Variants in TIAM2 observed in about 807,000 individuals in gnomAD.
The protein encoded by TIAM2 is TIAM Rac1 associated GEF 2.
A neutral mutation model predicts 152.9 loss-of-function variants in TIAM2; 80 were observed. The ratio of observed to expected loss-of-function variants is 0.52; its 90% CI spans 0.44 to 0.63. The LOEUF is 0.63. Among genes scored for constraint, TIAM2 ranks in the 30% least tolerant of loss-of-function variants. TIAM2 has a pLI of 0.00. For synonymous variants in TIAM2, 804 were observed against 838.0 expected, an observed-to-expected ratio of 0.96 and a Z score of 0.70; for missense variants, 1,965 against 2,120.1, an observed-to-expected ratio of 0.93 and a Z score of 1.44.
chr6:155,096,722 T>C (rs1191399645), intron 2 of TIAM2, among the ~76,000 whole-genome samples: 2 of 152,204 alleles, frequency 1.3e-5, no homozygotes, highest in Non-Finnish European at 2.9e-5. Context: ...CCATTATGTA[T>C]ATATACCACA....
intron 2 of TIAM2, among the ~76,000 whole-genome samples, chr6:155,116,373 GACAT>G (rs1779011162): frequency 6.6e-6 from 1 of 151,954 alleles, no homozygotes; most frequent in Non-Finnish European, 1.5e-5. Context: ...GTAGCCTGAA[GACAT>G]ACATTTCTAA....
chr6:155,025,380 A>T (rs1055557913), intron 1 of TIAM2, among the ~76,000 whole-genome samples: 1 of 152,056 alleles, frequency 6.6e-6, no homozygotes, highest in Non-Finnish European at 1.5e-5. Context: ...TTTTTAGTAG[A>T]GACGGGGTTT....
intron 2 of TIAM2, among the ~76,000 whole-genome samples, chr6:155,101,862 T>A (rs1778556844): frequency 1.3e-5 from 2 of 152,130 alleles, no homozygotes; most frequent in Non-Finnish European, 2.9e-5. Flanking sequence ...CTGCCACGCC[T>A]GGCTATTTTT....
intron 15 of TIAM2, among the ~76,000 whole-genome samples, chr6:155,223,531 T>C (rs959333141): frequency 6.0e-5 from 9 of 150,882 alleles, no homozygotes; most frequent in African/African-American, 2.2e-4. Context: ...TTTTTTCTTT[T>C]TTTTTTTTTT....
chr6:155,252,331 T>A (rs148696599), intron 23 of TIAM2, among the ~76,000 whole-genome samples: 5,631 of 152,134 alleles, frequency 0.037, 138 homozygotes, highest in Non-Finnish European at 0.057. Context: ...TAACTGGGTG[T>A]GGTAGCACGT....
At chr6:155,104,545 C>A (rs1347790364) in intron 2 of TIAM2, among the ~76,000 whole-genome samples, 1 of 152,092 alleles carries the variant, frequency 6.6e-6, no homozygotes. Context: ...ATCATGAGGT[C>A]AGGAGATCGA....
chr6:155,006,561 G>T (rs1464972846), intron 1 of TIAM2, among the ~76,000 whole-genome samples: 2 of 151,464 alleles, frequency 1.3e-5, no homozygotes, highest in Non-Finnish European at 2.9e-5. Context: ...AAATACACAG[G>T]AGGCTGAGGT....
At chr6:155,223,660 G>GT (rs199926692) in intron 15 of TIAM2, among the ~76,000 whole-genome samples, 4,829 of 150,488 alleles carry the variant, frequency 0.032, 353 homozygotes, top group Admixed American at 0.19. Flanking sequence ...AACAAAATGG[G>GT]TTTTTTTTTG....
At chr6:155,160,223 G>C (rs1780234009) in intron 7 of TIAM2, among the ~76,000 whole-genome samples, 1 of 152,134 alleles carries the variant, frequency 6.6e-6, no homozygotes, top group Non-Finnish European at 1.5e-5. Flanking sequence ...GCTCAAGATT[G>C]AGGAAGAGCC....
intron 1 of TIAM2, among the ~76,000 whole-genome samples, chr6:155,006,115 G>C (rs1001962183): frequency 1.3e-5 from 2 of 152,172 alleles, no homozygotes; most frequent in Non-Finnish European, 2.9e-5. Context: ...GTAGCCCCCC[G>C]GGGTCCTGGA....
At chr6:155,153,621 C>CTTTTTT (rs35672714) in intron 7 of TIAM2, among the ~76,000 whole-genome samples, 9 of 105,298 alleles carry the variant, frequency 8.5e-5, no homozygotes, top group Non-Finnish European at 1.1e-4. Context: ...GCTGTTTACG[C>CTTTTTT]TTTTTTTTTT....
intron 1 of TIAM2, among the ~76,000 whole-genome samples, chr6:155,051,355 C>T (rs966902044): frequency 1.3e-5 from 2 of 152,146 alleles, no homozygotes; most frequent in African/African-American, 2.4e-5. Context: ...GTGATTTGAG[C>T]GCATCATACG....
chr6:155,004,114 G>A (rs746724460), intron 1 of TIAM2, among the ~76,000 whole-genome samples: 2 of 152,226 alleles, frequency 1.3e-5, no homozygotes, highest in Non-Finnish European at 2.9e-5. Flanking sequence ...GACCTCAGGT[G>A]ATCTGCCTGC....
At chr6:155,118,557 C>T (rs1049398501) in intron 2 of TIAM2, among the ~76,000 whole-genome samples, 7 of 151,518 alleles carry the variant, frequency 4.6e-5, no homozygotes, top group Admixed American at 1.3e-4. Flanking sequence ...CTCAGCCTCC[C>T]AAGTAGCTGG....
intron 18 of TIAM2, among the ~76,000 whole-genome samples, chr6:155,245,053 C>G (rs1783241993): frequency 6.6e-6 from 1 of 152,330 alleles, no homozygotes; most frequent in Non-Finnish European, 1.5e-5. Flanking sequence ...CTTTTCTCAG[C>G]TGCTGTGAAG....
rs927865088 is a variant in TIAM2 at position 155,103,655 on chromosome 6, C to T, written c.-118+13276C>T. 1.3e-4 allele frequency among the ~76,000 whole-genome samples: 17 copies of T among 126,454 alleles called. No homozygotes were observed. In the South Asian group the frequency reaches 1.6e-3, roughly 12 times the overall value. 83.0% of individuals were successfully genotyped at this position (126,454 alleles called of 152,430 possible). A position where few individuals can be genotyped will look rare whatever the true frequency, so the allele number is the denominator to read the frequency against. On this transcript the variant is annotated intron_variant, in intron 2 of 26. Transcript: ENST00000682666. The stretch of plus-strand genomic sequence containing the variant: ...AGGAGAATCACTTGAACCCAGGAGG[C>T]GGAGGTTGCGGTGAGCCGAGATAGC...
Position 155,044,236 on chromosome 6 carries a change from G to T in TIAM2, c.-208-46053G>T, listed in dbSNP as rs1266160730. On this transcript the variant is annotated intron_variant, in intron 1 of 26. Transcript: ENST00000682666. The stretch of plus-strand genomic sequence containing the variant: ...TCACTCGTCCTGCCCAGTCACACAG[G>T]TTGTTCCTGGAGCCAAGACTAGAAG... 2.0e-5 allele frequency among the ~76,000 whole-genome samples: 3 copies of T among 152,226 alleles called. No individual in the cohort carries two copies. In the East Asian group the frequency reaches 5.8e-4, roughly 29 times the overall value.
At chr6:155,096,647 C>T (rs1024863824) in intron 2 of TIAM2, among the ~76,000 whole-genome samples, 1 of 152,096 alleles carries the variant, frequency 6.6e-6, no homozygotes, top group Admixed American at 6.5e-5. Flanking sequence ...CACTTGATGA[C>T]CTCCAGTTTC....
At chr6:155,255,414 T>A (rs60658462) in intron 26 of TIAM2, 2 of 152,166 alleles carry the variant, frequency 1.3e-5, no homozygotes, top group African/African-American at 4.8e-5. Flanking sequence ...ATTTTGTTAT[T>A]ATCTTTCTTG....
Sources: allele counts gnomAD v4.1 joint callset (sites outside exome capture counted in the v4.1 genomes callset), GRCh38; gene constraint gnomAD v4.1.1; transcripts MANE v1.5; gene names NCBI Gene and HGNC (gene_info 2026-07-23, HGNC 2026-07-21).